Variants in GREB1L observed in about 807,000 individuals in gnomAD.
The protein encoded by GREB1L is GREB1 like retinoic acid receptor coactivator.
A neutral mutation model predicts 200.8 loss-of-function variants in GREB1L; 17 were observed. The observed-to-expected ratio is 0.08, with a 90% CI of 0.06 to 0.13. The LOEUF is 0.13. GREB1L is among the 10% of genes least tolerant of loss of function. The pLI, the probability that GREB1L is intolerant of heterozygous loss-of-function variation, is 1.00. For missense variants in GREB1L, 1,657 were observed against 2,367.7 expected, an observed-to-expected ratio of 0.70 and a Z score of 6.23; for synonymous variants, 789 against 893.0, an observed-to-expected ratio of 0.88 and a Z score of 2.08.
intron 1 of GREB1L, among the ~76,000 whole-genome samples, chr18:21,324,798 A>G (rs1265793007): frequency 1.3e-5 from 2 of 152,246 alleles, no homozygotes; most frequent in Non-Finnish European, 2.9e-5. Context: ...CGACAGAGCG[A>G]GACTCTGTCT....
chr18:21,337,174 G>A (rs2039197710), intron 1 of GREB1L, among the ~76,000 whole-genome samples: 1 of 152,178 alleles, frequency 6.6e-6, no homozygotes, highest in African/African-American at 2.4e-5. Context: ...AGAAGAAAAA[G>A]TAGAATATAA....
chr18:21,359,214 G>C (rs909433838), intron 1 of GREB1L, among the ~76,000 whole-genome samples: 11 of 152,228 alleles, frequency 7.2e-5, no homozygotes, highest in African/African-American at 2.4e-4. Context: ...CCAGCACTTT[G>C]GGAGGCCAAG....
chr18:21,284,201 C>G (rs761600310), intron 1 of GREB1L, among the ~76,000 whole-genome samples: 12 of 152,176 alleles, frequency 7.9e-5, no homozygotes, highest in Non-Finnish European at 1.3e-4. Context: ...TCACATAAAA[C>G]TCACCCACTT....
chr18:21,302,507 G>C (rs1323128095), intron 1 of GREB1L, among the ~76,000 whole-genome samples: 2 of 152,160 alleles, frequency 1.3e-5, no homozygotes, highest in Non-Finnish European at 1.5e-5. Context: ...AAGCTGATTG[G>C]TTAATATCAG....
intron 1 of GREB1L, among the ~76,000 whole-genome samples, chr18:21,255,753 C>T (rs559115447): frequency 6.6e-6 from 1 of 152,128 alleles, no homozygotes; most frequent in African/African-American, 2.4e-5. Flanking sequence ...TTAATATTCT[C>T]TAATTGTCTC....
At chr18:21,281,870 G>A (rs2038275299) in intron 1 of GREB1L, among the ~76,000 whole-genome samples, 1 of 152,114 alleles carries the variant, frequency 6.6e-6, no homozygotes, top group South Asian at 2.1e-4. Context: ...TGTGTTTTAT[G>A]GTATGTAAGT....
chr18:21,300,206 A>C (rs995757506), intron 1 of GREB1L, among the ~76,000 whole-genome samples: 3 of 152,202 alleles, frequency 2.0e-5, no homozygotes, highest in African/African-American at 7.2e-5. Context: ...TAGGAAATGG[A>C]TCATTGCAGT....
chr18:21,355,999 T>C (rs1475062457), intron 1 of GREB1L, among the ~76,000 whole-genome samples: 1 of 146,442 alleles, frequency 6.8e-6, no homozygotes, highest in East Asian at 1.9e-4. Context: ...TTTTTTTTTT[T>C]TTTTTGAGAT....
chr18:21,363,351 A>G (rs1379098002), intron 1 of GREB1L, among the ~76,000 whole-genome samples: 1 of 136,348 alleles, frequency 7.3e-6, no homozygotes, highest in Non-Finnish European at 1.5e-5. Flanking sequence ...GCCCCGATAT[A>G]AAAGCATTGG....
chr18:21,272,906 T>C (rs1005148296), intron 1 of GREB1L, among the ~76,000 whole-genome samples: 2 of 152,230 alleles, frequency 1.3e-5, no homozygotes, highest in African/African-American at 4.8e-5. Flanking sequence ...ATGAAAATTT[T>C]TATTTATATA....
rs1241413852 is a variant in GREB1L at position 21,363,294 on chromosome 18, C to G, written c.-119-2733C>G. 6.4e-5 allele frequency among the ~76,000 whole-genome samples: 7 copies of G among 108,914 alleles called. 1 individual carries two copies. The highest frequency in any genetic ancestry group is 2.1e-4 in the African/African-American group (6 of 28,022). 71.5% of individuals were successfully genotyped at this position (108,914 alleles called of 152,430 possible). A position where few individuals can be genotyped will look rare whatever the true frequency, so the allele number is the denominator to read the frequency against. On this transcript the variant is annotated intron_variant, in intron 1 of 32. Coordinates refer to ENST00000424526, the MANE Select transcript of GREB1L (RefSeq NM_001142966.3). Reference sequence around the variant, plus strand: ...CCACTCCGCCTCCCCCCCGCCCCCCCCCCCCCACACACACAAGAACTCCTC... The same window carrying G: ...CCACTCCGCCTCCCCCCCGCCCCCCGCCCCCCACACACACAAGAACTCCTC...
At chr18:21,471,906 C>A (rs1030301577) in intron 15 of GREB1L, among the ~76,000 whole-genome samples, 1 of 152,176 alleles carries the variant, frequency 6.6e-6, no homozygotes, top group African/African-American at 2.4e-5. Flanking sequence ...CAGGCATGAG[C>A]CACCACACCC....
chr18:21,309,404 C>T (rs772772835), intron 1 of GREB1L, among the ~76,000 whole-genome samples: 2 of 152,178 alleles, frequency 1.3e-5, no homozygotes, highest in Non-Finnish European at 2.9e-5. Flanking sequence ...GAAGGCCTCA[C>T]GGTCATCTTT....
chr18:21,443,794 A>G lies in GREB1L; in HGVS notation c.1208-430A>G, dbSNP rs139007287. Among the ~76,000 whole-genome samples, 522 of 152,302 alleles carry G rather than the reference A, an allele frequency of 3.4e-3. 6 individuals are homozygous for G. The highest frequency in any genetic ancestry group is 0.012 in the African/African-American group (506 of 41,570). On this transcript the variant is annotated intron_variant, in intron 10 of 32. Coordinates refer to ENST00000424526, the MANE Select transcript of GREB1L (RefSeq NM_001142966.3). ...ATGGCACAGTATTTGCATATAACCT[A>G]TGCACATCCTCCCATATACATTAAA...
chr18:21,319,459 T>A (rs552237314), intron 1 of GREB1L, among the ~76,000 whole-genome samples: 1 of 152,256 alleles, frequency 6.6e-6, no homozygotes, highest in Non-Finnish European at 1.5e-5. Flanking sequence ...TATACTCTTA[T>A]ATTGTATTTT....
intron 1 of GREB1L, among the ~76,000 whole-genome samples, chr18:21,271,649 C>CAA (rs1191889292): frequency 0.012 from 638 of 51,824 alleles, 11 homozygotes; most frequent in African/African-American, 0.036. Context: ...GACCCTGTCT[C>CAA]AAAAAAAAAA....
chr18:21,351,972 T>A (rs1337718559), intron 1 of GREB1L, among the ~76,000 whole-genome samples: 1 of 151,996 alleles, frequency 6.6e-6, no homozygotes, highest in Non-Finnish European at 1.5e-5. Flanking sequence ...CTAAGCCTCC[T>A]GAGTAGTTGG....
In GREB1L at chr18:21,522,768, G is replaced by A; in HGVS notation, c.5719G>A (p.Ala1907Thr). Residue 1907 changes from alanine to threonine, a missense_variant, in exon 33 of 33, where the codon GCT (alanine) becomes ACT (threonine). Physicochemically the swap from Ala to Thr is moderately conservative, Grantham distance 58. Coordinates refer to ENST00000424526, the MANE Select transcript of GREB1L (RefSeq NM_001142966.3). ...CCGCCTCCGGGACGAGTTTCAAACT[G>A]CTAACAGCAGTGATGACAAGCCTCT... The part of the protein sequence containing the change: ...QFRLRDEFQT[A>T]NSSDDKPLYF... 1 of 1,551,696 alleles carries A rather than the reference G, an allele frequency of 6.4e-7. No individual in the cohort carries two copies. The highest frequency in any genetic ancestry group is 8.7e-7 in the Non-Finnish European group (1 of 1,146,962).
intron 2 of GREB1L, among the ~76,000 whole-genome samples, chr18:21,369,788 T>G (rs2039803983): frequency 6.6e-6 from 1 of 151,374 alleles, no homozygotes; most frequent in African/African-American, 2.4e-5. Context: ...CTCTACTAAA[T>G]AAATACAAAA....
Sources: allele counts gnomAD v4.1 joint callset (sites outside exome capture counted in the v4.1 genomes callset), GRCh38; gene constraint gnomAD v4.1.1; transcripts MANE v1.5; gene names NCBI Gene and HGNC (gene_info 2026-07-23, HGNC 2026-07-21).